The following RGS6 variants were observed in gnomAD, a reference collection of about 807,000 sequenced individuals.
RGS6 encodes regulator of G-protein signaling 6.
RGS6 carries 30 observed loss-of-function variants against 78.5 expected under a neutral mutation model. The ratio of observed to expected loss-of-function variants is 0.38; its 90% CI spans 0.29 to 0.52. The LOEUF is 0.52. Among genes scored for constraint, RGS6 ranks in the 20% least tolerant of loss-of-function variants. The pLI is 0.85. For missense variants in RGS6, 495 were observed against 609.7 expected, an observed-to-expected ratio of 0.81 and a Z score of 1.98; for synonymous variants, 206 against 206.0, an observed-to-expected ratio of 1.00 and a Z score of 0.00.
intron 2 of RGS6, among the ~76,000 whole-genome samples, chr14:72,042,041 A>G (rs912835081): frequency 6.6e-6 from 1 of 152,126 alleles, no homozygotes; most frequent in Non-Finnish European, 1.5e-5. Context: ...TAAAATCTGA[A>G]GGAATTTACT....
chr14:72,425,827 C>T (rs773347407), intron 3 of RGS6, among the ~76,000 whole-genome samples: 8 of 152,122 alleles, frequency 5.3e-5, no homozygotes, highest in Non-Finnish European at 1.0e-4. Flanking sequence ...TAAAAAGTTT[C>T]ACCTGCTTAT....
At chr14:72,362,285 A>G (rs1306514119) in intron 3 of RGS6, among the ~76,000 whole-genome samples, 3 of 152,242 alleles carry the variant, frequency 2.0e-5, no homozygotes, top group Non-Finnish European at 2.9e-5. Flanking sequence ...AGTCCAGGAG[A>G]GAGAATCATG....
intron 2 of RGS6, among the ~76,000 whole-genome samples, chr14:71,974,922 C>T (rs2094024342): frequency 6.6e-6 from 1 of 152,210 alleles, no homozygotes; most frequent in African/African-American, 2.4e-5. Context: ...AGGAAGATCA[C>T]TTGGCCCAAG....
chr14:72,498,164 T>A (rs1280313921), intron 13 of RGS6, among the ~76,000 whole-genome samples: 1 of 152,234 alleles, frequency 6.6e-6, no homozygotes, highest in African/African-American at 2.4e-5. Context: ...GACTGTTCTT[T>A]TCTTAGTAGC....
At chr14:72,515,024 AC>A (rs2096923152) in intron 14 of RGS6, among the ~76,000 whole-genome samples, 1 of 152,186 alleles carries the variant, frequency 6.6e-6, no homozygotes, top group Non-Finnish European at 1.5e-5. Flanking sequence ...TCAAATTGAC[AC>A]AAAGGTTCCT....
chr14:71,871,255 A>C, the RGS6 span, among the ~76,000 whole-genome samples: 1 of 152,190 alleles, frequency 6.6e-6, no homozygotes, highest in African/African-American at 2.4e-5. Context: ...ACTAAGGAAA[A>C]GGAATAGAGG....
chr14:72,575,257 A>G, the RGS6 span, among the ~76,000 whole-genome samples: 1 of 152,158 alleles, frequency 6.6e-6, no homozygotes, highest in Non-Finnish European at 1.5e-5. Context: ...TACAAGGGTC[A>G]TGATGGAGAA....
At chr14:71,980,501 T>A (rs2094393450) in intron 2 of RGS6, among the ~76,000 whole-genome samples, 1 of 99,330 alleles carries the variant, frequency 1.0e-5, no homozygotes, top group Non-Finnish European at 2.1e-5. Flanking sequence ...TAAAGTATTT[T>A]ATTTCTCCTT....
At chr14:72,263,001 T>G (rs1444757703) in intron 2 of RGS6, among the ~76,000 whole-genome samples, 1 of 152,032 alleles carries the variant, frequency 6.6e-6, no homozygotes, top group East Asian at 1.9e-4. Context: ...AGAAACTGTC[T>G]CCCAAGAGTC....
chr14:72,167,729 C>G (rs1052197471), intron 2 of RGS6, among the ~76,000 whole-genome samples: 1 of 152,084 alleles, frequency 6.6e-6, no homozygotes, highest in African/African-American at 2.4e-5. Context: ...TAACAAGCAA[C>G]ATGAAATAAA....
chr14:72,584,040 G>A, the RGS6 span, among the ~76,000 whole-genome samples: 2 of 152,152 alleles, frequency 1.3e-5, no homozygotes, highest in Non-Finnish European at 2.9e-5. Flanking sequence ...GGAAGCAGGG[G>A]GTGCATCTGG....
chr14:72,249,633 A>G (rs1222613595), intron 2 of RGS6, among the ~76,000 whole-genome samples: 1 of 152,176 alleles, frequency 6.6e-6, no homozygotes, highest in Non-Finnish European at 1.5e-5. Context: ...TCATCCTACA[A>G]TGTGAATGCA....
chr14:72,541,230 G>C (rs913949178), intron 17 of RGS6: 13 of 1,435,818 alleles, frequency 9.1e-6, no homozygotes, highest in Admixed American at 4.2e-5. Flanking sequence ...CCTGACTACT[G>C]TGTGACTGGT....
At chr14:72,048,163 T>C (rs1357197875) in intron 2 of RGS6, among the ~76,000 whole-genome samples, 2 of 152,134 alleles carry the variant, frequency 1.3e-5, no homozygotes, top group African/African-American at 4.8e-5. Context: ...AGTCACAGTG[T>C]GTTCAAGGGT....
intron 2 of RGS6, among the ~76,000 whole-genome samples, chr14:72,156,690 T>C (rs2096777336): frequency 6.6e-6 from 1 of 151,176 alleles, no homozygotes; most frequent in Non-Finnish European, 1.5e-5. Context: ...AGATGAGATC[T>C]GCTATTTCAG....
intron 2 of RGS6, among the ~76,000 whole-genome samples, chr14:72,153,284 G>A (rs1021870517): frequency 4.6e-5 from 7 of 152,206 alleles, no homozygotes; most frequent in Non-Finnish European, 1.0e-4. Flanking sequence ...TGCTCAGCCT[G>A]ACAGCCTCGC....
chr14:72,404,872 G>A (rs1056477179), intron 3 of RGS6, among the ~76,000 whole-genome samples: 1 of 152,104 alleles, frequency 6.6e-6, no homozygotes, highest in African/African-American at 2.4e-5. Flanking sequence ...GTAAGAGAAC[G>A]ATGACAAATC....
At chr14:72,323,183 C>T (rs765751693) in intron 2 of RGS6, among the ~76,000 whole-genome samples, 2 of 151,900 alleles carry the variant, frequency 1.3e-5, no homozygotes, top group Admixed American at 6.6e-5. Context: ...TAAGGAAATA[C>T]ACTTAGGTGA....
chr14:71,979,446 A>T (rs1457754130), intron 2 of RGS6, among the ~76,000 whole-genome samples: 3 of 151,388 alleles, frequency 2.0e-5, no homozygotes, highest in Non-Finnish European at 4.4e-5. Context: ...TGCGTCCCAG[A>T]GATTCTGGTA....
Sources: gnomAD v4.1 joint callset for allele counts (sites outside exome capture counted in the v4.1 genomes callset) on GRCh38, gnomAD v4.1.1 for gene constraint, MANE v1.5 for transcripts, NCBI Gene and HGNC (gene_info 2026-07-23, HGNC 2026-07-21) for gene names.